The following PCDHA1 variants were observed in gnomAD, a reference collection of about 807,000 sequenced individuals.
PCDHA1 encodes the protein protocadherin alpha 1.
Under a neutral mutation model 61.3 loss-of-function variants are expected in PCDHA1, and 42 were observed. That is an observed-to-expected ratio of 0.69 (90% CI 0.54 to 0.89). The LOEUF is 0.89. Ranked by LOEUF, PCDHA1 falls within the 40% of genes least tolerant of loss-of-function variation. The pLI is 0.00. For synonymous variants in PCDHA1, 610 were observed against 553.8 expected, an observed-to-expected ratio of 1.10 and a Z score of -1.43; for missense variants, 1,256 against 1,235.3, an observed-to-expected ratio of 1.02 and a Z score of -0.25.
At position 140,913,249 on chromosome 5, in the gene PCDHA1, A is replaced by G. The variant is rs1389386272; in HGVS notation, c.2395-65700A>G. ...CTTTGCTGGGAGACTTTTTGTTACA[A>G]CTTTGATCTAATTACTTGTTATTGG... On this transcript the variant is annotated intron_variant, in intron 1 of 3. Transcript: ENST00000504120. Among the ~76,000 whole-genome samples the G allele has an allele frequency of 4.6e-5, 7 of 152,262 alleles. No individual in the cohort carries two copies. The East Asian group carries it at 9.6e-4, about 21-fold the overall frequency.
Position 140,816,832 on chromosome 5 carries a change from G to C in PCDHA1, c.2394+28148G>C, listed in dbSNP as rs1018228008. 1.3e-5 allele frequency: 2 copies of C among 151,804 alleles called. 1 individual carries two copies. The highest frequency in any genetic ancestry group is 3.9e-4 in the East Asian group (2 of 5,176). The allele number at this position is 151,804 out of a possible 1,614,324, so 9.4% of individuals were successfully genotyped here. A position where few individuals can be genotyped will look rare whatever the true frequency, so the allele number is the denominator to read the frequency against. Reference sequence around the variant, plus strand: ...ATGCTCTAATCTTTTTCCCTCTGTGGTGTCTGTGTGCTGTACTGTGGGCCC... The same window carrying C: ...ATGCTCTAATCTTTTTCCCTCTGTGCTGTCTGTGTGCTGTACTGTGGGCCC... On this transcript the variant is annotated intron_variant, in intron 1 of 3. Coordinates refer to ENST00000504120, the MANE Select transcript of PCDHA1 (RefSeq NM_018900.4).
In PCDHA1 at chr5:140,859,591, T is replaced by C. The variant is rs540429741; in HGVS notation, c.2394+70907T>C. On this transcript the variant is annotated intron_variant, in intron 1 of 3. Transcript: ENST00000504120. Reference sequence around the variant, plus strand: ...AATTTGTCATCTTGCCTATGGCTCTTAGCAATTACTTTTTTCTTTCCTTTC... The same window carrying C: ...AATTTGTCATCTTGCCTATGGCTCTCAGCAATTACTTTTTTCTTTCCTTTC... 5 of 165,482 alleles carry C rather than the reference T, an allele frequency of 3.0e-5. No homozygotes were observed. The East Asian group carries it at 9.4e-4, about 31-fold the overall frequency. 10.3% of individuals were successfully genotyped at this position (165,482 alleles called of 1,614,324 possible). A position where few individuals can be genotyped will look rare whatever the true frequency, so the allele number is the denominator to read the frequency against.
intron 1 of PCDHA1, chr5:140,967,906 C>T (rs529421659): frequency 1.2e-6 from 2 of 1,614,208 alleles, no homozygotes; most frequent in Non-Finnish European, 1.7e-6. Context: ...ATGCTACACC[C>T]AACACCATTG....
chr5:141,004,619 G>C (rs1004302739), intron 3 of PCDHA1, among the ~76,000 whole-genome samples: 9 of 152,136 alleles, frequency 5.9e-5, no homozygotes, highest in Non-Finnish European at 1.0e-4. Context: ...GCAGAGTCCT[G>C]GTTATGGTTG....
At chr5:140,804,973 T>C (rs547495215) in intron 1 of PCDHA1, 4 of 1,486,108 alleles carry the variant, frequency 2.7e-6, no homozygotes, top group East Asian at 5.0e-5. Context: ...CCATAGTGTG[T>C]CCATCTCAGG....
At chr5:140,896,599 A>G (rs1247154870) in intron 1 of PCDHA1, among the ~76,000 whole-genome samples, 1 of 151,478 alleles carries the variant, frequency 6.6e-6, no homozygotes, top group African/African-American at 2.4e-5. Context: ...CTGGTCTCGA[A>G]CTCCTGGTCT....
intron 1 of PCDHA1, chr5:140,882,698 G>C: frequency 1.2e-6 from 2 of 1,614,200 alleles, no homozygotes; most frequent in Non-Finnish European, 1.7e-6. Flanking sequence ...AATCATTGCA[G>C]AATCTAGACC....
Position 140,849,728 on chromosome 5 carries a change from A to C in PCDHA1, c.2394+61044A>C, listed in dbSNP as rs144507871. ...ATTACTACTCGTTGGTGCTGGACAG[A>C]GCTCTGGACCGCGAGAGTGTGTCCG... On this transcript the variant is annotated intron_variant, in intron 1 of 3. Transcript: ENST00000504120. 513 of 1,598,410 alleles carry C rather than the reference A, an allele frequency of 3.2e-4. 33 individuals carry two copies. In the African/African-American group the frequency reaches 4.5e-3, roughly 14 times the overall value.
At chr5:140,939,960 T>G (rs1216904868) in intron 1 of PCDHA1, among the ~76,000 whole-genome samples, 2 of 152,258 alleles carry the variant, frequency 1.3e-5, no homozygotes, top group African/African-American at 2.4e-5. Context: ...TATGTTAAAG[T>G]GTTCCACGAT....
chr5:140,891,481 C>G (rs2063126797), intron 1 of PCDHA1, among the ~76,000 whole-genome samples: 1 of 151,620 alleles, frequency 6.6e-6, no homozygotes, highest in Admixed American at 6.6e-5. Context: ...CTTTACATCA[C>G]TTTGAGCATA....
intron 1 of PCDHA1, chr5:140,848,396 G>A: frequency 7.8e-7 from 1 of 1,284,596 alleles, no homozygotes; most frequent in Non-Finnish European, 1.1e-6. Flanking sequence ...TCTCTGTGCT[G>A]AACGATGGCG....
At chr5:140,948,849 C>A (rs2094312653) in intron 1 of PCDHA1, among the ~76,000 whole-genome samples, 1 of 151,046 alleles carries the variant, frequency 6.6e-6, no homozygotes, top group Admixed American at 6.6e-5. Flanking sequence ...GTATTATTTG[C>A]CTTCTTATAT....
chr5:140,858,185 C>T, intron 1 of PCDHA1: 1 of 1,597,454 alleles, frequency 6.3e-7, no homozygotes, highest in South Asian at 1.1e-5. Flanking sequence ...GGTGCTCACG[C>T]TGCTGCTGTA....
chr5:140,850,107 C>A lies in PCDHA1; in HGVS notation c.2394+61423C>A, dbSNP rs2150467518. ...GCTGCTACAGTTCCAGGTGAGCGCG[C>A]GCGACGCGGGCGTGCCGCCTCTGGG... On this transcript the variant is annotated intron_variant, in intron 1 of 3. Coordinates refer to ENST00000504120, the MANE Select transcript of PCDHA1 (RefSeq NM_018900.4). 6.9e-6 allele frequency: 11 copies of A among 1,596,052 alleles called. 2 individuals carry two copies. In the Admixed American group the frequency reaches 1.0e-4, roughly 15 times the overall value.
intron 1 of PCDHA1, chr5:140,851,446 T>G (rs576126527): frequency 1.1e-6 from 1 of 916,006 alleles, no homozygotes; most frequent in South Asian, 5.0e-5. Flanking sequence ...GTTGCTCCAC[T>G]TTAGGAATCA....
At position 140,786,632 on chromosome 5, in the gene PCDHA1, G is replaced by C; in HGVS notation, c.342G>C (p.Leu114=). The change falls in exon 1 of 4, where the codon CTG becomes CTC. Residue 114 remains leucine (L), a synonymous_variant. Transcript: ENST00000504120. ...IHLELIADRP[L]QVFHVEVKVK... ...TGGAGTTGATCGCCGACAGGCCGCT[G>C]CAGGTTTTCCATGTGGAGGTGAAGG... 6.2e-7 allele frequency: 1 copy of C among 1,614,272 alleles called. No individual in the cohort carries two copies.
chr5:141,009,601 A>T (rs1223112014), intron 3 of PCDHA1, 26 bp from the exon 4 acceptor site: 6 of 1,607,482 alleles, frequency 3.7e-6, no homozygotes, highest in Non-Finnish European at 5.1e-6. Flanking sequence ...GACCCTGTTA[A>T]TGATTTGTAA....
At chr5:140,982,186 C>G (rs547938149) in intron 2 of PCDHA1, among the ~76,000 whole-genome samples, 34 of 152,372 alleles carry the variant, frequency 2.2e-4, no homozygotes, top group African/African-American at 7.7e-4. Context: ...CTCTGATGGG[C>G]TTCCTGTTAG....
At chr5:140,828,389 G>A (rs1769730233) in intron 1 of PCDHA1, 1 of 1,614,162 alleles carries the variant, frequency 6.2e-7, no homozygotes, top group Admixed American at 1.7e-5. Context: ...CGGGCGGAGC[G>A]CGGAGTGCAG....
Sources: allele counts gnomAD v4.1 joint callset (sites outside exome capture counted in the v4.1 genomes callset), GRCh38; gene constraint gnomAD v4.1.1; transcripts MANE v1.5; gene names NCBI Gene and HGNC (gene_info 2026-07-23, HGNC 2026-07-21).